CLYBL: variants seen among roughly 807,000 people sequenced by gnomAD.
CLYBL encodes the protein citramalyl-CoA lyase, mitochondrial.
Under a neutral mutation model 38.9 loss-of-function variants are expected in CLYBL, and 31 were observed. The ratio of observed to expected loss-of-function variants is 0.80; its 90% confidence interval spans 0.60 to 1.08. CLYBL has a LOEUF of 1.08. CLYBL is among the 50% of genes least tolerant of loss of function. CLYBL has a pLI of 0.00. For missense variants in CLYBL, 434 were observed against 411.6 expected (o/e 1.05, Z -0.47); for synonymous variants, 171 against 158.6 (o/e 1.08, Z -0.59).
At chr13:99,650,570 A>C (rs946347697) in intron 1 of CLYBL, among the ~76,000 whole-genome samples, 4 of 152,176 alleles carry the variant, frequency 2.6e-5, no homozygotes, top group Non-Finnish European at 5.9e-5. Context: ...GCTCAGGTAC[A>C]TGTGCTCTTC....
At chr13:99,819,809 G>A (rs2050551194) in intron 2 of CLYBL, among the ~76,000 whole-genome samples, 1 of 151,998 alleles carries the variant, frequency 6.6e-6, no homozygotes, top group African/African-American at 2.4e-5. Flanking sequence ...CAACAGATTG[G>A]ATGATGCCTG....
intron 2 of CLYBL, among the ~76,000 whole-genome samples, chr13:99,851,588 A>G (rs9585244): frequency 0.089 from 13,499 of 152,186 alleles, 1,476 homozygotes; most frequent in African/African-American, 0.26. Context: ...GATTCTCAAC[A>G]TCATTAGTCA....
At chr13:99,778,515 T>C (rs1292637803) in intron 2 of CLYBL, among the ~76,000 whole-genome samples, 3 of 152,180 alleles carry the variant, frequency 2.0e-5, no homozygotes, top group South Asian at 2.1e-4. Context: ...ATGAAAACAA[T>C]AGGAGTTTCC....
chr13:99,885,942 A>G (rs985789870), intron 7 of CLYBL, among the ~76,000 whole-genome samples: 5 of 152,196 alleles, frequency 3.3e-5, no homozygotes, highest in Non-Finnish European at 7.3e-5. Context: ...CACAGCCAGG[A>G]TCTCGAGGAG....
Position 99,866,357 on chromosome 13 carries a change from G to GA in CLYBL, c.753dup (p.Ala252SerfsTer5). ...CTGGTGTACATTGACTTTCGAGATG[G>GA]AGCTGGGCTGCTTAGACAGTCACGA... On this transcript the variant is annotated frameshift_variant, in exon 6 of 9. Coordinates refer to ENST00000339105, the MANE Select transcript of CLYBL (RefSeq NM_206808.5). LOFTEE classifies it high-confidence loss of function. 3 of 1,614,166 alleles carry GA rather than the reference G, an allele frequency of 1.9e-6. No homozygotes were observed. The highest frequency in any genetic ancestry group is 2.5e-6 in the Non-Finnish European group (3 of 1,180,024).
intron 1 of CLYBL, among the ~76,000 whole-genome samples, chr13:99,641,432 G>A (rs2047091966): frequency 6.6e-6 from 1 of 152,084 alleles, no homozygotes; most frequent in Admixed American, 6.6e-5. Context: ...CACTTTGGGA[G>A]GCCGAGGTGG....
chr13:99,700,009 A>G (rs920175416), intron 1 of CLYBL, among the ~76,000 whole-genome samples: 20 of 152,212 alleles, frequency 1.3e-4, no homozygotes, highest in Admixed American at 8.5e-4. Context: ...AAAATAAAAT[A>G]AAATGAAAAT....
chr13:99,851,205 T>C (rs1229471631), intron 2 of CLYBL, among the ~76,000 whole-genome samples: 1 of 151,792 alleles, frequency 6.6e-6, no homozygotes, highest in African/African-American at 2.4e-5. Context: ...CTGCCTCTAC[T>C]AAAAATACAA....
At chr13:99,731,015 T>C (rs904703293) in intron 1 of CLYBL, among the ~76,000 whole-genome samples, 1 of 136,368 alleles carries the variant, frequency 7.3e-6, no homozygotes, top group African/African-American at 2.8e-5. Context: ...CCCCGGGGGC[T>C]GAGGTTGCTG....
chr13:99,802,974 T>C (rs2050164358), intron 2 of CLYBL, among the ~76,000 whole-genome samples: 2 of 152,182 alleles, frequency 1.3e-5, no homozygotes, highest in South Asian at 4.1e-4. Context: ...ACCCAACACT[T>C]TCCCAGCATG....
chr13:99,808,366 G>A (rs546506701), intron 2 of CLYBL, among the ~76,000 whole-genome samples: 4 of 152,304 alleles, frequency 2.6e-5, no homozygotes, highest in African/African-American at 9.6e-5. Flanking sequence ...GGTTTTAGGT[G>A]TGAGCTACTG....
chr13:99,798,698 C>T (rs12100265), intron 2 of CLYBL, among the ~76,000 whole-genome samples: 25,924 of 152,048 alleles, frequency 0.17, 2,877 homozygotes, highest in East Asian at 0.37. Context: ...ATTGGACCCA[C>T]GAGACTCCAG....
At chr13:99,705,057 A>G (rs150017058) in intron 1 of CLYBL, among the ~76,000 whole-genome samples, 121 of 152,348 alleles carry the variant, frequency 7.9e-4, no homozygotes, top group African/African-American at 2.7e-3. Flanking sequence ...TAGAATAACT[A>G]TGATCCAGCA....
chr13:99,721,039 C>CT (rs35480092), intron 1 of CLYBL, among the ~76,000 whole-genome samples: 29,210 of 141,180 alleles, frequency 0.21, 4,023 homozygotes, highest in African/African-American at 0.4. Context: ...TTCCCTAATT[C>CT]TTTTTTTTTT....
chr13:99,885,110 G>A (rs765125098), intron 7 of CLYBL: 24 of 529,308 alleles, frequency 4.5e-5, no homozygotes, highest in South Asian at 7.1e-5. Flanking sequence ...TCAAAGGTAC[G>A]TGAGGCCTGG....
chr13:99,741,836 A>T (rs1432804919), intron 1 of CLYBL, among the ~76,000 whole-genome samples: 1 of 152,240 alleles, frequency 6.6e-6, no homozygotes, highest in Non-Finnish European at 1.5e-5. Flanking sequence ...TGGTAGGCAG[A>T]GTTTTACAAT....
chr13:99,856,719 A>G (rs977449720), intron 2 of CLYBL, among the ~76,000 whole-genome samples: 2 of 151,846 alleles, frequency 1.3e-5, no homozygotes, highest in Non-Finnish European at 2.9e-5. Flanking sequence ...GCTCACTGCA[A>G]CCTCTACCTC....
chr13:99,838,027 A>G (rs1437831294), intron 2 of CLYBL, among the ~76,000 whole-genome samples: 1 of 152,160 alleles, frequency 6.6e-6, no homozygotes, highest in East Asian at 1.9e-4. Flanking sequence ...ATGCTTTTAT[A>G]TCTGTGAATG....
At chr13:99,891,175 A>G in intron 7 of CLYBL, 143 bp from the exon 8 acceptor site, 1 of 632,550 alleles carries the variant, frequency 1.6e-6, no homozygotes, top group Non-Finnish European at 2.8e-6. Context: ...TCTGTAATTT[A>G]CTTTGGCTTT....
Sources: allele counts gnomAD v4.1 joint callset (sites outside exome capture counted in the v4.1 genomes callset), GRCh38; gene constraint gnomAD v4.1.1; transcripts MANE v1.5; gene names NCBI Gene and HGNC (gene_info 2026-07-23, HGNC 2026-07-21).